Variants in ALDH1A2 observed in about 807,000 individuals in gnomAD.
ALDH1A2 encodes retinal dehydrogenase 2.
ALDH1A2 carries 27 observed loss-of-function variants against 60.3 expected under a neutral mutation model. The observed-to-expected ratio is 0.45, with a 90% CI of 0.33 to 0.62. The LOEUF is 0.62. Among genes scored for constraint, ALDH1A2 ranks in the 20% least tolerant of loss-of-function variants. ALDH1A2 has a pLI of 0.02. For synonymous variants in ALDH1A2, 289 were observed against 232.4 expected, an observed-to-expected ratio of 1.24 and a Z score of -2.21; for missense variants, 581 against 643.8, an observed-to-expected ratio of 0.90 and a Z score of 1.06.
chr15:57,956,882 A>G (rs1464690365), intron 12 of ALDH1A2, among the ~76,000 whole-genome samples: 5 of 152,216 alleles, frequency 3.3e-5, no homozygotes, highest in Non-Finnish European at 7.4e-5. Flanking sequence ...GTTGTGAGAA[A>G]TGTAAGGAAG....
At chr15:58,006,158 C>G (rs908489216) in intron 4 of ALDH1A2, among the ~76,000 whole-genome samples, 1 of 151,662 alleles carries the variant, frequency 6.6e-6, no homozygotes, top group African/African-American at 2.4e-5. Flanking sequence ...AATATGTAGT[C>G]TTTTATCACT....
rs912161268 is a variant in ALDH1A2, at chr15:58,036,600, A to C, written c.118-22319T>G. The C allele has an allele frequency of 5.6e-4, 85 of 151,620 alleles. 1 individual carries two copies. Among genetic ancestry groups the C allele is most frequent in the Non-Finnish European group, 4.4e-5 (3 of 67,704 alleles). The allele number at this position is 151,620 out of a possible 1,614,324, so 9.4% of individuals were successfully genotyped here. A position where few individuals can be genotyped will look rare whatever the true frequency, so the allele number is the denominator to read the frequency against. ...AAGAAGGAAAAGAATACCTGAGCAG[A>C]AATTTGACTTCACAGAAGACACTGC... On this transcript the variant is annotated intron_variant, in intron 1 of 12. Transcript: ENST00000249750.
intron 7 of ALDH1A2, among the ~76,000 whole-genome samples, chr15:57,983,960 G>C (rs1245598918): frequency 1.3e-5 from 2 of 152,214 alleles, no homozygotes; most frequent in African/African-American, 4.8e-5. Flanking sequence ...CAATTTTGAA[G>C]TGAATTTTAG....
intron 1 of ALDH1A2, among the ~76,000 whole-genome samples, chr15:58,024,093 C>CA (rs571159342): frequency 1.4e-4 from 21 of 151,206 alleles, no homozygotes; most frequent in Non-Finnish European, 2.9e-4. Flanking sequence ...AATTCCATCT[C>CA]AAAAAAAATG....
intron 1 of ALDH1A2, among the ~76,000 whole-genome samples, chr15:58,052,966 C>G (rs767913063): frequency 2.0e-5 from 3 of 152,146 alleles, no homozygotes. Flanking sequence ...GGCATTTTAA[C>G]TATTAATGAC....
At chr15:57,957,682 A>G (rs1297380488) in intron 12 of ALDH1A2, among the ~76,000 whole-genome samples, 1 of 152,204 alleles carries the variant, frequency 6.6e-6, no homozygotes, top group Non-Finnish European at 1.5e-5. Flanking sequence ...TCCCTAAGAT[A>G]AATCAAACTT....
chr15:57,971,806 C>T (rs1448398038), intron 7 of ALDH1A2, among the ~76,000 whole-genome samples: 1 of 152,176 alleles, frequency 6.6e-6, no homozygotes, highest in Non-Finnish European at 1.5e-5. Context: ...CTCACTGCAT[C>T]CTTCAACTCC....
intron 7 of ALDH1A2, among the ~76,000 whole-genome samples, chr15:57,969,082 C>T (rs12903792): frequency 0.38 from 58,506 of 152,052 alleles, 11,796 homozygotes; most frequent in Non-Finnish European, 0.46. Context: ...CAAGAAAGAA[C>T]GGGATGTGTT....
rs112465121 is a variant in ALDH1A2, at chr15:57,989,115, C to A, written c.798+3590G>T. Among the ~76,000 whole-genome samples the A allele has an allele frequency of 4.3e-3, 654 of 152,340 alleles. 7 individuals carry two copies. The highest frequency in any genetic ancestry group is 0.015 in the African/African-American group (625 of 41,574). On this transcript the variant is annotated intron_variant, in intron 7 of 12. Transcript: ENST00000249750. ...AGGGAGCCGAGATCACGCCATTGCGCTCCAGCCTGGGTGACAGGGCAAGAC... is the reference window on the plus strand; with the variant it reads ...AGGGAGCCGAGATCACGCCATTGCGATCCAGCCTGGGTGACAGGGCAAGAC...
At chr15:57,961,811 C>T (rs1325798272) in intron 10 of ALDH1A2, among the ~76,000 whole-genome samples, 1 of 152,184 alleles carries the variant, frequency 6.6e-6, no homozygotes, top group African/African-American at 2.4e-5. Flanking sequence ...CATAGCATGT[C>T]ACCTGGCCTC....
chr15:58,017,408 T>C (rs577001571), intron 1 of ALDH1A2, among the ~76,000 whole-genome samples: 1 of 152,312 alleles, frequency 6.6e-6, no homozygotes, highest in South Asian at 2.1e-4. Context: ...TTGCTCAATC[T>C]GATTGACATT....
chr15:58,043,557 A>G (rs1408190051), intron 1 of ALDH1A2, among the ~76,000 whole-genome samples: 1 of 152,026 alleles, frequency 6.6e-6, no homozygotes, highest in East Asian at 1.9e-4. Context: ...CTGTGTTCTC[A>G]AATGTGACTG....
At position 57,954,204 on chromosome 15, in the gene ALDH1A2, C is replaced by T. The variant is rs1324112118; in HGVS notation, c.*993G>A. ...TGACAGACCAAAATCACACCTGCAG[C>T]AGTTATTGGTGTAGAGGTTCAGAAG... is the stretch of plus-strand genomic sequence containing the variant. On this transcript the variant is annotated 3_prime_UTR_variant, in exon 13 of 13. Transcript: ENST00000249750. 3.3e-5 allele frequency: 5 copies of T among 152,456 alleles called. No homozygotes were observed. The highest frequency in any genetic ancestry group is 1.2e-4 in the African/African-American group (5 of 41,558). 9.4% of individuals were successfully genotyped at this position (152,456 alleles called of 1,614,324 possible).
intron 7 of ALDH1A2, among the ~76,000 whole-genome samples, chr15:57,990,020 A>AAT (rs1431147417): frequency 6.7e-6 from 1 of 148,314 alleles, no homozygotes; most frequent in Non-Finnish European, 1.5e-5. Flanking sequence ...AAAAAAAAAA[A>AAT]ATGACAGGAA....
rs1382216611 is a variant in ALDH1A2, at chr15:57,965,831, A to C, written c.799-4T>G. 6.8e-6 allele frequency: 11 copies of C among 1,612,882 alleles called. No individual in the cohort carries two copies. The highest frequency in any genetic ancestry group is 8.5e-6 in the Non-Finnish European group (10 of 1,178,846). The stretch of plus-strand genomic sequence containing the variant: ...CTTCTTGGATAAGCTTTCCAACCTG[A>C]AAGAAGGGAAATGGAGACAGGTTTT... On this transcript the variant is annotated splice_polypyrimidine_tract_variant and splice_region_variant and intron_variant, in intron 7 of 12. Coordinates refer to ENST00000249750, the MANE Select transcript of ALDH1A2 (RefSeq NM_003888.4).
chr15:57,955,806 G>A (rs1893503646), intron 12 of ALDH1A2, among the ~76,000 whole-genome samples: 1 of 152,196 alleles, frequency 6.6e-6, no homozygotes, highest in Non-Finnish European at 1.5e-5. Context: ...CTGTCCTTCT[G>A]CGTGTTTACT....
chr15:58,011,220 C>A (rs1460182680), intron 3 of ALDH1A2, among the ~76,000 whole-genome samples: 1 of 152,084 alleles, frequency 6.6e-6, no homozygotes, highest in Non-Finnish European at 1.5e-5. Context: ...CTGCCAAGAC[C>A]CCTGCTGAGA....
intron 7 of ALDH1A2, among the ~76,000 whole-genome samples, chr15:57,966,156 T>C (rs1246335103): frequency 6.6e-6 from 1 of 152,210 alleles, no homozygotes; most frequent in Non-Finnish European, 1.5e-5. Flanking sequence ...CACTGCATTG[T>C]GGCCTTTAGC....
chr15:57,983,506 TGGAGAATTATCTTTTTCTTAAAATAC>T (rs1273993700), intron 7 of ALDH1A2, among the ~76,000 whole-genome samples: 1 of 152,252 alleles, frequency 6.6e-6, no homozygotes, highest in African/African-American at 2.4e-5. Context: ...GGAATTAAGA[TGGAGAATTATCTTTTTCTTAAAATAC>T]TTTTATCTTT....
Sources: gnomAD v4.1 joint callset for allele counts (sites outside exome capture counted in the v4.1 genomes callset) on GRCh38, gnomAD v4.1.1 for gene constraint, MANE v1.5 for transcripts, NCBI Gene and HGNC (gene_info 2026-07-23, HGNC 2026-07-21) for gene names.